The following RBPJ variants were observed in gnomAD, a reference collection of about 807,000 sequenced individuals.
RBPJ encodes the protein recombining binding protein suppressor of hairless.
A neutral mutation model predicts 67.8 loss-of-function variants in RBPJ; 9 were observed. The observed-to-expected ratio is 0.13, with a 90% CI of 0.08 to 0.23. The LOEUF is 0.23. Ranked by LOEUF, RBPJ falls within the 10% of genes least tolerant of loss-of-function variation. The pLI is 1.00. For missense variants in RBPJ, 305 were observed against 595.6 expected, an observed-to-expected ratio of 0.51 and a Z score of 5.08; for synonymous variants, 198 against 203.3, an observed-to-expected ratio of 0.97 and a Z score of 0.22.
intron 1 of RBPJ, among the ~76,000 whole-genome samples, chr4:26,287,740 GAGGAAGGC>G (rs1380576711): frequency 4.7e-5 from 7 of 147,696 alleles, no homozygotes; most frequent in Non-Finnish European, 7.5e-5. Flanking sequence ...GAAAGGGAGG[GAGGAAGGC>G]AGGAAGGCAG....
upstream of RBPJ, among the ~76,000 whole-genome samples, chr4:26,316,825 G>A (rs10939106): frequency 1.1e-5 from 1 of 89,576 alleles, no homozygotes; most frequent in Non-Finnish European, 2.1e-5. Context: ...TAACCCAGAC[G>A]ACTTTTTTTT....
chr4:26,261,035 G>T (rs886199239), intron 1 of RBPJ, among the ~76,000 whole-genome samples: 1 of 152,082 alleles, frequency 6.6e-6, no homozygotes, highest in Non-Finnish European at 1.5e-5. Context: ...ACATATAAAA[G>T]GTATGAAGAA....
intron 2 of RBPJ, among the ~76,000 whole-genome samples, chr4:26,403,581 T>G (rs1023775762): frequency 6.6e-6 from 1 of 152,194 alleles, no homozygotes; most frequent in African/African-American, 2.4e-5. Context: ...TTTCCTTCTT[T>G]GTCTTCATAA....
At chr4:26,296,999 G>A (rs1445911246) in intron 1 of RBPJ, among the ~76,000 whole-genome samples, 1 of 152,186 alleles carries the variant, frequency 6.6e-6, no homozygotes, top group Non-Finnish European at 1.5e-5. Flanking sequence ...GTCGTGTCAT[G>A]TAAATCACTT....
chr4:26,128,114 C>T, the RBPJ span, among the ~76,000 whole-genome samples: 127 of 152,386 alleles, frequency 8.3e-4, no homozygotes, highest in African/African-American at 3.0e-3. Flanking sequence ...ATACTAGTCC[C>T]TCCTCATATA....
At chr4:26,348,756 C>T (rs1433977774) in intron 1 of RBPJ, among the ~76,000 whole-genome samples, 18 of 151,758 alleles carry the variant, frequency 1.2e-4, no homozygotes, top group African/African-American at 3.6e-4. Context: ...CAGAGTGGAG[C>T]GCAGTGGCGT....
chr4:26,268,669 T>C (rs1242026330), intron 1 of RBPJ, among the ~76,000 whole-genome samples: 1 of 152,152 alleles, frequency 6.6e-6, no homozygotes, highest in Non-Finnish European at 1.5e-5. Context: ...AACCTTTTTT[T>C]TTTTCCTCTC....
the RBPJ span, among the ~76,000 whole-genome samples, chr4:26,152,325 G>A: frequency 6.6e-6 from 1 of 152,174 alleles, no homozygotes; most frequent in Non-Finnish European, 1.5e-5. Context: ...AATGTTCCAG[G>A]TACGCCCTGA....
intron 2 of RBPJ, among the ~76,000 whole-genome samples, chr4:26,391,998 C>G (rs1731549313): frequency 6.6e-6 from 1 of 152,178 alleles, no homozygotes; most frequent in Non-Finnish European, 1.5e-5. Context: ...CCTCACATGG[C>G]AGGAGGGACA....
chr4:26,311,589 T>C (rs940028553), intron 1 of RBPJ, among the ~76,000 whole-genome samples: 6 of 151,868 alleles, frequency 4.0e-5, no homozygotes, highest in Middle Eastern at 3.4e-3. Context: ...CAAACTGTAA[T>C]GTCCGCCTCT....
chr4:26,190,204 A>T (rs141689351), intron 1 of RBPJ, among the ~76,000 whole-genome samples: 240 of 152,334 alleles, frequency 1.6e-3, no homozygotes, highest in African/African-American at 5.3e-3. Flanking sequence ...ATCTCCCTTG[A>T]GAGCAGCAAA....
chr4:26,362,894 A>C (rs1427319532), intron 1 of RBPJ, among the ~76,000 whole-genome samples: 1 of 152,194 alleles, frequency 6.6e-6, no homozygotes, highest in East Asian at 1.9e-4. Context: ...AATGGGCTGT[A>C]ATTTCATTCA....
At chr4:26,384,550 A>C (rs1730616932) in intron 1 of RBPJ, 1 of 152,116 alleles carries the variant, frequency 6.6e-6, no homozygotes, top group African/African-American at 2.4e-5. Flanking sequence ...GGTCTTTTTC[A>C]AGTGCTGTGT....
intron 1 of RBPJ, among the ~76,000 whole-genome samples, chr4:26,204,458 C>A (rs778021267): frequency 1.3e-5 from 2 of 152,160 alleles, no homozygotes; most frequent in African/African-American, 4.8e-5. Context: ...TCCTTGGGGA[C>A]GGGTCTATGC....
chr4:26,301,563 G>A (rs541207400), intron 1 of RBPJ, among the ~76,000 whole-genome samples: 25 of 149,712 alleles, frequency 1.7e-4, no homozygotes, highest in Middle Eastern at 3.2e-3. Flanking sequence ...CTGCACTCCA[G>A]CCTGGGTGAC....
rs190753443 is a variant in RBPJ at position 26,187,281 on chromosome 4, C to T, written c.-167+23667C>T. Among the ~76,000 whole-genome samples, 4 of 152,278 alleles carry T rather than the reference C, an allele frequency of 2.6e-5. No individual in the cohort carries two copies. In the East Asian group the frequency reaches 5.8e-4, roughly 22 times the overall value. On this transcript the variant is annotated intron_variant, in intron 1 of 4. Coordinates refer to the RBPJ transcript ENST00000512351. ...AGCTTTTTCTTTTACGGTCAGAAAT[C>T]TTACATTATTCTTGTATCTCTTTGA...
intron 1 of RBPJ, among the ~76,000 whole-genome samples, chr4:26,268,538 C>T (rs1006657120): frequency 1.3e-5 from 2 of 152,222 alleles, no homozygotes; most frequent in African/African-American, 4.8e-5. Context: ...TGTGCATCTT[C>T]TGCTTCCCTT....
At chr4:26,344,802 G>A (rs1725962675) in intron 1 of RBPJ, among the ~76,000 whole-genome samples, 6 of 152,134 alleles carry the variant, frequency 3.9e-5, no homozygotes, top group Admixed American at 3.9e-4. Context: ...TCTGGTGTTA[G>A]AGTGTATATT....
intron 1 of RBPJ, among the ~76,000 whole-genome samples, chr4:26,339,894 C>T: frequency 6.6e-6 from 1 of 152,038 alleles, no homozygotes; most frequent in East Asian, 1.9e-4. Context: ...TGGCGGTTGC[C>T]TGTAATACCA....
Sources: gnomAD v4.1 joint callset for allele counts (sites outside exome capture counted in the v4.1 genomes callset) on GRCh38, gnomAD v4.1.1 for gene constraint, MANE v1.5 for transcripts, NCBI Gene and HGNC (gene_info 2026-07-23, HGNC 2026-07-21) for gene names.